CCDC88C: variants seen among roughly 807,000 people sequenced by gnomAD.
CCDC88C encodes the protein protein Daple.
A neutral mutation model predicts 198.8 loss-of-function variants in CCDC88C; 131 were observed. The observed-to-expected ratio is 0.66, with a 90% CI of 0.57 to 0.76. The LOEUF (loss-of-function observed/expected upper bound fraction) is 0.76. Among genes scored for constraint, CCDC88C ranks in the 30% least tolerant of loss-of-function variants. The pLI is 0.00. For synonymous variants in CCDC88C, 1,166 were observed against 1,114.7 expected (o/e 1.05, Z -0.92); for missense variants, 2,553 against 2,631.6 (o/e 0.97, Z 0.65).
Position 91,283,448 on chromosome 14 carries a change from G to A in CCDC88C, c.4511C>T (p.Thr1504Ile). Residue 1504 changes from threonine (T) to isoleucine (I), a missense_variant, in exon 26 of 30, where the codon ACC (threonine) becomes ATC (isoleucine). Around this residue, in one of 2 missense-constraint regions of CCDC88C, gnomAD observed 1,293 missense variants for 1,219.6 expected, o/e 1.06. Transcript: ENST00000389857. ...RGSLDRTDASTDLAMRSWPSE... is the reference protein window; with the variant it reads ...RGSLDRTDASIDLAMRSWPSE... Reference sequence around the variant, plus strand: ...GGGCCAGGACCTCATGGCCAGATCGGTGGAGGCATCTGTGCGGTCAAGGCT... The same window carrying A: ...GGGCCAGGACCTCATGGCCAGATCGATGGAGGCATCTGTGCGGTCAAGGCT... The A allele has an allele frequency of 6.2e-7, 1 of 1,613,478 alleles. No homozygotes were observed. The highest frequency in any genetic ancestry group is 8.5e-7 in the Non-Finnish European group (1 of 1,179,732).
At chr14:91,303,206 A>C (rs1596045450) in intron 20 of CCDC88C, among the ~76,000 whole-genome samples, 6 of 136,206 alleles carry the variant, frequency 4.4e-5, no homozygotes, top group South Asian at 2.6e-4. Flanking sequence ...CCCCACCTCC[A>C]CCCTCCTTCA....
chr14:91,294,633 C>T (rs539522678), intron 22 of CCDC88C, among the ~76,000 whole-genome samples: 17 of 152,276 alleles, frequency 1.1e-4, no homozygotes, highest in Non-Finnish European at 1.6e-4. Flanking sequence ...AAAAAGAATA[C>T]GAAAAATCTC....
At chr14:91,332,017 C>T (rs1445391589) in intron 10 of CCDC88C, among the ~76,000 whole-genome samples, 21 of 152,046 alleles carry the variant, frequency 1.4e-4, no homozygotes. Context: ...CCAGCTAGGT[C>T]TCTGCCCCTG....
chr14:91,285,540 T>C, intron 25 of CCDC88C: 1 of 837,262 alleles, frequency 1.2e-6, no homozygotes. Flanking sequence ...TACTTTAAGC[T>C]TGAAATTGGG....
At chr14:91,410,336 C>T (rs1237571854) in intron 2 of CCDC88C, among the ~76,000 whole-genome samples, 2 of 152,058 alleles carry the variant, frequency 1.3e-5, no homozygotes, top group African/African-American at 2.4e-5. Context: ...ATCCAGACCC[C>T]GTGATGAAGG....
chr14:91,413,848 C>T (rs1055334948), intron 2 of CCDC88C, among the ~76,000 whole-genome samples: 2 of 152,206 alleles, frequency 1.3e-5, no homozygotes, highest in Non-Finnish European at 2.9e-5. Context: ...GTTAGCAGTA[C>T]TGCTCAACGC....
intron 2 of CCDC88C, among the ~76,000 whole-genome samples, 176 bp downstream of exon 2, chr14:91,416,562 T>C (rs1887065539): frequency 6.6e-6 from 1 of 152,130 alleles, no homozygotes; most frequent in Admixed American, 6.6e-5. Context: ...CCTGGAGTTC[T>C]TCAAACACCT....
In CCDC88C at chr14:91,314,264, C is replaced by T. The variant is rs565211073; in HGVS notation, c.1666-114G>A. 9.3e-5 allele frequency: 76 copies of T among 812,960 alleles called. 1 individual carries two copies. In the East Asian group the frequency reaches 1.8e-3, roughly 19 times the overall value. 50.4% of individuals were successfully genotyped at this position (812,960 alleles called of 1,614,324 possible). A position where few individuals can be genotyped will look rare whatever the true frequency, so the allele number is the denominator to read the frequency against. On this transcript the variant is annotated intron_variant, in intron 14 of 29. Coordinates refer to ENST00000389857, the MANE Select transcript of CCDC88C (RefSeq NM_001080414.4). ...GCCTTGAACGGCTGTCCTACCTGTGCTCAGACACTGCCTGTGCGTTCCCCA... is the reference window on the plus strand; with the variant it reads ...GCCTTGAACGGCTGTCCTACCTGTGTTCAGACACTGCCTGTGCGTTCCCCA...
chr14:91,389,157 T>C (rs1384292272), intron 3 of CCDC88C, among the ~76,000 whole-genome samples: 6 of 152,182 alleles, frequency 3.9e-5, no homozygotes, highest in Non-Finnish European at 8.8e-5. Context: ...CTGGCCCTTA[T>C]GGCCTCAGCA....
intron 4 of CCDC88C, among the ~76,000 whole-genome samples, chr14:91,356,890 A>G (rs555535044): frequency 6.6e-6 from 1 of 152,236 alleles, no homozygotes; most frequent in East Asian, 1.9e-4. Context: ...GAAGAGGGGG[A>G]GCACCAGCAG....
intron 3 of CCDC88C, among the ~76,000 whole-genome samples, chr14:91,393,024 G>A (rs1409653633): frequency 2.6e-5 from 4 of 152,198 alleles, no homozygotes; most frequent in African/African-American, 7.2e-5. Context: ...GTGAGGCAGC[G>A]GGAGAGGGAG....
intron 2 of CCDC88C, among the ~76,000 whole-genome samples, chr14:91,415,419 T>C (rs937865256): frequency 6.6e-6 from 1 of 150,872 alleles, no homozygotes; most frequent in Non-Finnish European, 1.5e-5. Flanking sequence ...TGACATCAAA[T>C]GACTTATTAA....
At chr14:91,307,252 G>C (rs1179531312) in intron 17 of CCDC88C, 26 bp from the exon 18 acceptor site, 10 of 1,607,336 alleles carry the variant, frequency 6.2e-6, no homozygotes, top group Non-Finnish European at 6.8e-6. Context: ...TAAGCAAGGA[G>C]GCTTTAGGCG....
intron 3 of CCDC88C, among the ~76,000 whole-genome samples, chr14:91,400,263 C>T (rs1261995087): frequency 6.6e-6 from 1 of 152,234 alleles, no homozygotes; most frequent in Non-Finnish European, 1.5e-5. Context: ...ACCAGAGCTT[C>T]CACATCCTGC....
intron 14 of CCDC88C, among the ~76,000 whole-genome samples, chr14:91,315,420 ACAAT>A (rs755151434): frequency 3.3e-5 from 5 of 152,090 alleles, no homozygotes; most frequent in Non-Finnish European, 4.4e-5. Context: ...CGGGGTCACG[ACAAT>A]CAAAAATGTC....
Position 91,272,808 on chromosome 14 carries a change from G to A in CCDC88C, c.5904C>T (p.Val1968=), listed in dbSNP as rs769369353. 1 of 1,599,086 alleles carries A rather than the reference G, an allele frequency of 6.3e-7. No homozygotes were observed. The highest frequency in any genetic ancestry group is 8.5e-7 in the Non-Finnish European group (1 of 1,173,468). ...AGLSLSEGDG[V]PGQGCSEGLP... ...GCCCCTCACTGCAGCCCTGCCCCGG[G>A]ACCCCGTCTCCCTCTGAGAGGCTGA... The change falls in exon 30 of 30, where the codon GTC becomes GTT. Residue 1968 remains valine (V), a synonymous_variant. Coordinates refer to ENST00000389857, the MANE Select transcript of CCDC88C (RefSeq NM_001080414.4).
intron 10 of CCDC88C, among the ~76,000 whole-genome samples, chr14:91,331,041 A>G (rs562890162): frequency 2.2e-5 from 3 of 136,040 alleles, no homozygotes; most frequent in Admixed American, 8.2e-5. Context: ...GGGGCTGAGG[A>G]GTGCTTGCCG....
rs193038160 is a variant in CCDC88C, at chr14:91,358,584, T to C, written c.340+1058A>G. Among the ~76,000 whole-genome samples, 13 of 152,348 alleles carry C rather than the reference T, an allele frequency of 8.5e-5. No homozygotes were observed. The East Asian group carries it at 2.5e-3, about 29-fold the overall frequency. On this transcript the variant is annotated intron_variant, in intron 4 of 29. Transcript: ENST00000389857. ...GGACGCAAGGCATTACTCCATTTAA[T>C]GCACCAAGGAAGTTATCTGACAGGC...
chr14:91,412,310 G>C (rs1379696452), intron 2 of CCDC88C, among the ~76,000 whole-genome samples: 1 of 152,092 alleles, frequency 6.6e-6, no homozygotes, highest in Non-Finnish European at 1.5e-5. Flanking sequence ...ATATATCATA[G>C]ATAACATTCG....
Sources: allele counts gnomAD v4.1 joint callset (sites outside exome capture counted in the v4.1 genomes callset), GRCh38; gene constraint gnomAD v4.1.1; regional missense constraint gnomAD v4.1.1; transcripts MANE v1.5; gene names NCBI Gene and HGNC (gene_info 2026-07-23, HGNC 2026-07-21).